ACKR2: variants seen among roughly 807,000 people sequenced by gnomAD.
ACKR2 encodes atypical chemokine receptor 2, also known as C-C chemokine receptor D6.
For missense variants in ACKR2, 457 were observed against 477.3 expected, an observed-to-expected ratio of 0.96 and a Z score of 0.40; for synonymous variants, 207 against 192.2, an observed-to-expected ratio of 1.08 and a Z score of -0.64.
chr3:42,831,291 C>G (rs1700929445), intron 2 of ACKR2, among the ~76,000 whole-genome samples: 1 of 152,188 alleles, frequency 6.6e-6, no homozygotes, highest in Non-Finnish European at 1.5e-5. Flanking sequence ...AAAAATATCC[C>G]AAGAGCAAAA....
intron 2 of ACKR2, among the ~76,000 whole-genome samples, chr3:42,832,212 G>A (rs984095259): frequency 3.3e-5 from 5 of 152,152 alleles, no homozygotes; most frequent in African/African-American, 9.7e-5. Flanking sequence ...CATCAGGCTA[G>A]GCGTGGTGGC....
At chr3:42,850,274 C>G (rs1701139602) in intron 2 of ACKR2, among the ~76,000 whole-genome samples, 1 of 152,124 alleles carries the variant, frequency 6.6e-6, no homozygotes, top group South Asian at 2.1e-4. Context: ...AGCCTGTGGA[C>G]CCCAGAGAAA....
intron 1 of ACKR2, among the ~76,000 whole-genome samples, chr3:42,812,680 C>CTTT (rs71616070): frequency 0.1 from 7,225 of 72,142 alleles, 1,418 homozygotes; most frequent in South Asian, 0.14. Flanking sequence ...AATTTTCAGC[C>CTTT]TTTTTTTTTT....
At chr3:42,861,105 T>C (rs1304358953) in intron 2 of ACKR2, among the ~76,000 whole-genome samples, 1 of 151,898 alleles carries the variant, frequency 6.6e-6, no homozygotes, top group Non-Finnish European at 1.5e-5. Context: ...ACAAAATAGA[T>C]AGACCACTAG....
At chr3:42,831,470 A>G (rs1470051972) in intron 2 of ACKR2, among the ~76,000 whole-genome samples, 1 of 152,186 alleles carries the variant, frequency 6.6e-6, no homozygotes, top group African/African-American at 2.4e-5. Flanking sequence ...TCATTGGCCA[A>G]TGGCAGTGGT....
chr3:42,860,189 A>AAAAAAAACAC (rs376833790), intron 2 of ACKR2, among the ~76,000 whole-genome samples: 3 of 111,520 alleles, frequency 2.7e-5, no homozygotes, highest in Non-Finnish European at 3.8e-5. Context: ...AAAAAAAAAA[A>AAAAAAAACAC]GCAGGGGATG....
At chr3:42,856,754 C>G (rs1196265041) in intron 2 of ACKR2, among the ~76,000 whole-genome samples, 1 of 151,588 alleles carries the variant, frequency 6.6e-6, no homozygotes, top group Non-Finnish European at 1.5e-5. Flanking sequence ...GTCTACAGGC[C>G]TCTCTTCAGT....
Position 42,864,944 on chromosome 3 carries a change from C to G in ACKR2, c.442C>G (p.His148Asp). ...MSLDKYLEIV[H>D]AQPYHRLRTR... ...CCTGGACAAGTACCTGGAGATCGTT[C>G]ATGCTCAGCCCTACCACAGGCTGAG... The change falls in exon 3 of 3, where the codon CAT becomes GAT. Residue 148 changes from histidine to aspartate, a missense_variant. Physicochemically the swap from His to Asp is moderately conservative, Grantham distance 81. Coordinates refer to ENST00000422265, the MANE Select transcript of ACKR2 (RefSeq NM_001296.5). 7 of 1,614,162 alleles carry G rather than the reference C, an allele frequency of 4.3e-6. No individual in the cohort carries two copies. The highest frequency in any genetic ancestry group is 5.9e-6 in the Non-Finnish European group (7 of 1,180,030).
intron 1 of ACKR2, among the ~76,000 whole-genome samples, chr3:42,816,616 G>A (rs185037133): frequency 1.3e-5 from 2 of 151,482 alleles, no homozygotes; most frequent in African/African-American, 4.8e-5. Flanking sequence ...GGAGTGCAGT[G>A]TGCAATCTCA....
intron 2 of ACKR2, among the ~76,000 whole-genome samples, chr3:42,861,237 C>G (rs932757736): frequency 6.6e-6 from 1 of 152,224 alleles, no homozygotes; most frequent in African/African-American, 2.4e-5. Context: ...ATAAACACCT[C>G]TACACAAATA....
intron 2 of ACKR2, among the ~76,000 whole-genome samples, chr3:42,831,051 GAAGAA>G (rs1354353944): frequency 2.0e-5 from 3 of 152,090 alleles, no homozygotes; most frequent in South Asian, 2.1e-4. Flanking sequence ...AAAAAAAAGA[GAAGAA>G]AAGAAAAAGA....
intron 2 of ACKR2, among the ~76,000 whole-genome samples, chr3:42,858,596 A>C (rs2088347039): frequency 6.6e-6 from 1 of 151,138 alleles, no homozygotes; most frequent in Admixed American, 6.7e-5. Context: ...TGAAAATTCC[A>C]AAAACCAGAA....
At chr3:42,848,862 A>G (rs1301743750) in intron 2 of ACKR2, among the ~76,000 whole-genome samples, 1 of 152,212 alleles carries the variant, frequency 6.6e-6, no homozygotes, top group Non-Finnish European at 1.5e-5. Flanking sequence ...ACATAAGATC[A>G]CTTCTGTGTT....
chr3:42,847,178 T>C (rs962710887), intron 2 of ACKR2, among the ~76,000 whole-genome samples: 1 of 152,210 alleles, frequency 6.6e-6, no homozygotes, highest in African/African-American at 2.4e-5. Context: ...AATGAATACA[T>C]ATATTGATTT....
At chr3:42,834,665 C>T (rs1185204811) in intron 2 of ACKR2, 2 of 151,594 alleles carry the variant, frequency 1.3e-5, no homozygotes, top group African/African-American at 4.9e-5. Flanking sequence ...GCAACCTCCA[C>T]CTCTCGGGTT....
In ACKR2 at chr3:42,865,001, A is replaced by T; in HGVS notation, c.499A>T (p.Ile167Leu). 6.2e-7 allele frequency: 1 copy of T among 1,614,110 alleles called. No individual in the cohort carries two copies. The highest frequency in any genetic ancestry group is 1.3e-5 in the African/African-American group (1 of 75,026). Reference sequence around the variant, plus strand: ...GGCCAAGAGCCTGCTCCTTGCTACCATAGTATGGGCTGTGTCCCTGGCCGT... The same window carrying T: ...GGCCAAGAGCCTGCTCCTTGCTACCTTAGTATGGGCTGTGTCCCTGGCCGT... ...TRAKSLLLAT[I>L]VWAVSLAVSI... The change falls in exon 3 of 3, where the codon ATA becomes TTA. Residue 167 changes from isoleucine to leucine, a missense_variant. Ile to Leu is a conservative substitution (Grantham distance 5, BLOSUM62 2). Coordinates refer to ENST00000422265, the MANE Select transcript of ACKR2 (RefSeq NM_001296.5).
chr3:42,812,176 T>A (rs1010998740), intron 1 of ACKR2, among the ~76,000 whole-genome samples: 2 of 152,222 alleles, frequency 1.3e-5, no homozygotes, highest in South Asian at 4.1e-4. Flanking sequence ...GTGGAGGGGC[T>A]GGCCCCCTTC....
chr3:42,816,933 A>G (rs1262572430), intron 1 of ACKR2, among the ~76,000 whole-genome samples: 1 of 152,290 alleles, frequency 6.6e-6, no homozygotes, highest in Admixed American at 6.5e-5. Context: ...AATTTGGTAG[A>G]GTGGAAAAGG....
chr3:42,862,184 A>G (rs1467627864), intron 2 of ACKR2, among the ~76,000 whole-genome samples: 1 of 152,250 alleles, frequency 6.6e-6, no homozygotes, highest in Non-Finnish European at 1.5e-5. Context: ...TACAAAATCA[A>G]TGTGCAAAAA....
Sources: gnomAD v4.1 joint callset for allele counts (sites outside exome capture counted in the v4.1 genomes callset) on GRCh38, gnomAD v4.1.1 for gene constraint, MANE v1.5 for transcripts, NCBI Gene and HGNC (gene_info 2026-07-23, HGNC 2026-07-21) for gene names.